Variants in KCNT2 observed in about 807,000 individuals in gnomAD.
KCNT2 encodes potassium sodium-activated channel subfamily T member 2.
KCNT2 carries 67 observed loss-of-function variants against 153.8 expected under a neutral mutation model. That is an observed-to-expected ratio of 0.44 (90% confidence interval 0.36 to 0.53). KCNT2 has a LOEUF of 0.53. KCNT2 is among the 20% of genes least tolerant of loss of function. The pLI, the probability that KCNT2 is intolerant of heterozygous loss-of-function variation, is 0.00. For missense variants in KCNT2, 975 were observed against 1,354.8 expected (o/e 0.72, Z 4.40); for synonymous variants, 500 against 458.8 (o/e 1.09, Z -1.15).
At chr1:196,287,271 T>A (rs1481223181) in intron 22 of KCNT2, among the ~76,000 whole-genome samples, 1 of 152,070 alleles carries the variant, frequency 6.6e-6, no homozygotes, top group Non-Finnish European at 1.5e-5. Context: ...TAGCTGTTCT[T>A]ATTGTGATAC....
chr1:196,236,129 C>G (rs1654415469), intron 26 of KCNT2, 59 bp from the exon 27 acceptor site: 1 of 899,192 alleles, frequency 1.1e-6, no homozygotes, highest in African/African-American at 1.6e-5. Flanking sequence ...ACAGGAATTA[C>G]TAGTGAACAG....
intron 12 of KCNT2, among the ~76,000 whole-genome samples, chr1:196,419,270 C>T (rs1672997524): frequency 6.7e-6 from 1 of 148,578 alleles, no homozygotes; most frequent in African/African-American, 2.5e-5. Context: ...TGGTGTGCTG[C>T]ACCCATTAAC....
chr1:196,425,072 C>T (rs543114202), intron 11 of KCNT2, among the ~76,000 whole-genome samples: 2 of 152,002 alleles, frequency 1.3e-5, no homozygotes, highest in Admixed American at 6.6e-5. Context: ...ATGTTTAAAA[C>T]TTTAAAAACA....
chr1:196,572,478 G>A (rs113352197), intron 1 of KCNT2, among the ~76,000 whole-genome samples: 1 of 152,084 alleles, frequency 6.6e-6, no homozygotes, highest in Admixed American at 6.6e-5. Context: ...AAGAGAGAGA[G>A]AGTGCAATGA....
chr1:196,335,920 CTCT>C (rs1664982091), intron 16 of KCNT2, among the ~76,000 whole-genome samples: 3 of 152,068 alleles, frequency 2.0e-5, no homozygotes, highest in Admixed American at 2.0e-4. Flanking sequence ...GCTCTCTCTT[CTCT>C]TCTTAACTAT....
intron 3 of KCNT2, among the ~76,000 whole-genome samples, chr1:196,485,569 A>C (rs976978106): frequency 6.6e-6 from 1 of 152,002 alleles, no homozygotes; most frequent in East Asian, 1.9e-4. Flanking sequence ...AATTTAAATA[A>C]GAGTTTTAAA....
At chr1:196,495,487 C>A (rs1680181289) in intron 1 of KCNT2, among the ~76,000 whole-genome samples, 1 of 152,040 alleles carries the variant, frequency 6.6e-6, no homozygotes, top group South Asian at 2.1e-4. Context: ...TCTCCTCCCT[C>A]CATTCCTTCC....
intron 27 of KCNT2, among the ~76,000 whole-genome samples, chr1:196,231,461 C>T (rs542459350): frequency 2.7e-4 from 41 of 151,760 alleles, no homozygotes; most frequent in African/African-American, 9.9e-4. Context: ...AAACATGACT[C>T]CTGTCCGGCA....
chr1:196,439,214 C>T (rs911101919), intron 8 of KCNT2, among the ~76,000 whole-genome samples: 4 of 151,760 alleles, frequency 2.6e-5, no homozygotes, highest in African/African-American at 4.8e-5. Context: ...AGAACACTGC[C>T]GCAGAATAAA....
intron 1 of KCNT2, among the ~76,000 whole-genome samples, chr1:196,558,042 A>C (rs1329579195): frequency 6.6e-6 from 1 of 151,446 alleles, no homozygotes; most frequent in Non-Finnish European, 1.5e-5. Context: ...TCAAAATGTT[A>C]CAAATTAGCA....
intron 8 of KCNT2, among the ~76,000 whole-genome samples, chr1:196,464,338 A>C (rs1464278628): frequency 1.3e-5 from 2 of 151,946 alleles, no homozygotes; most frequent in Non-Finnish European, 2.9e-5. Flanking sequence ...GTATGCTAAA[A>C]TAGGTCTACT....
intron 8 of KCNT2, among the ~76,000 whole-genome samples, chr1:196,460,653 C>G (rs538665768): frequency 6.6e-6 from 1 of 151,410 alleles, no homozygotes; most frequent in Admixed American, 6.6e-5. Context: ...TGACCATATT[C>G]CATAATTTAG....
chr1:196,234,220 C>A (rs755419254), intron 27 of KCNT2, among the ~76,000 whole-genome samples: 1 of 151,184 alleles, frequency 6.6e-6, no homozygotes, highest in Non-Finnish European at 1.5e-5. Context: ...AGAAAGTCAA[C>A]ATTTATTAAA....
Position 196,488,175 on chromosome 1 carries a change from A to G in KCNT2, c.275+1663T>C, listed in dbSNP as rs1054471418. On this transcript the variant is annotated intron_variant, in intron 3 of 27. Coordinates refer to ENST00000294725, the MANE Select transcript of KCNT2 (RefSeq NM_198503.5). ...TTTGATTCCTGAAAGGGATTTAAAA[A>G]TAAAGCAAAGCAGCACAAAATATCT... Among the ~76,000 whole-genome samples the G allele has an allele frequency of 1.3e-4, 20 of 152,126 alleles. 1 individual carries two copies. In the South Asian group the frequency reaches 1.5e-3, roughly 11 times the overall value.
At chr1:196,279,590 T>C (rs1228190995) in intron 25 of KCNT2, among the ~76,000 whole-genome samples, 2 of 151,318 alleles carry the variant, frequency 1.3e-5, no homozygotes, top group African/African-American at 4.9e-5. Context: ...ACCTGACTAA[T>C]TTTTGTATTT....
At chr1:196,528,916 C>G (rs1039385931) in intron 1 of KCNT2, among the ~76,000 whole-genome samples, 3 of 152,036 alleles carry the variant, frequency 2.0e-5, no homozygotes, top group Admixed American at 2.0e-4. Context: ...TTGCCCCATG[C>G]CTTTCATGCT....
intron 1 of KCNT2, among the ~76,000 whole-genome samples, chr1:196,585,228 G>A (rs1662529113): frequency 6.6e-6 from 1 of 152,024 alleles, no homozygotes; most frequent in Non-Finnish European, 1.5e-5. Flanking sequence ...AGAGGCAAAA[G>A]GAAGATCAGA....
At chr1:196,297,872 A>G (rs1424696521) in intron 22 of KCNT2, among the ~76,000 whole-genome samples, 8 of 152,150 alleles carry the variant, frequency 5.3e-5, no homozygotes, top group African/African-American at 1.7e-4. Flanking sequence ...GTCACCCATC[A>G]TATTATAAAT....
chr1:196,588,485 T>G (rs1662955703), intron 1 of KCNT2, among the ~76,000 whole-genome samples: 1 of 152,092 alleles, frequency 6.6e-6, no homozygotes. Flanking sequence ...AACAAAGATT[T>G]TATTAGCAAA....
Sources: gnomAD v4.1 joint callset for allele counts (sites outside exome capture counted in the v4.1 genomes callset) on GRCh38, gnomAD v4.1.1 for gene constraint, MANE v1.5 for transcripts, NCBI Gene and HGNC (gene_info 2026-07-23, HGNC 2026-07-21) for gene names.